ZMAT4: variants seen among roughly 807,000 people sequenced by gnomAD.
ZMAT4 encodes the protein zinc finger matrin-type 4.
A neutral mutation model predicts 28.7 loss-of-function variants in ZMAT4; 17 were observed. The ratio of observed to expected loss-of-function variants is 0.59; its 90% CI spans 0.41 to 0.89. The LOEUF is 0.89. Ranked by LOEUF, ZMAT4 falls within the 40% of genes least tolerant of loss-of-function variation. The pLI, the probability that ZMAT4 is intolerant of heterozygous loss-of-function variation, is 0.00. For missense variants in ZMAT4, 240 were observed against 283.8 expected, an observed-to-expected ratio of 0.85 and a Z score of 1.11; for synonymous variants, 117 against 109.2, an observed-to-expected ratio of 1.07 and a Z score of -0.44.
intron 6 of ZMAT4, among the ~76,000 whole-genome samples, chr8:40,578,257 C>G (rs207469084): frequency 6.6e-6 from 1 of 151,976 alleles, no homozygotes; most frequent in Non-Finnish European, 1.5e-5. Flanking sequence ...CAAAAAATGT[C>G]TATGATGGTC....
intron 6 of ZMAT4, among the ~76,000 whole-genome samples, chr8:40,539,386 C>A (rs898717220): frequency 6.6e-6 from 1 of 152,154 alleles, no homozygotes; most frequent in African/African-American, 2.4e-5. Flanking sequence ...TCCCATCCTG[C>A]ATTTTCAGAT....
intron 2 of ZMAT4, among the ~76,000 whole-genome samples, chr8:40,777,259 C>T (rs1290643403): frequency 6.6e-6 from 1 of 151,996 alleles, no homozygotes; most frequent in Non-Finnish European, 1.5e-5. Context: ...TTTTAAAATC[C>T]ACACTATGTT....
In ZMAT4 at chr8:40,614,152, T is replaced by G. The variant is rs577502583; in HGVS notation, c.578-32891A>C. On this transcript the variant is annotated intron_variant, in intron 5 of 6. Transcript: ENST00000297737. ...TGAACCCCCTATGTTTTTTCCTCAC[T>G]TTTGCTGCCCTGGGTTTGCACCTTG... Among the ~76,000 whole-genome samples, 158 of 152,316 alleles carry G rather than the reference T, an allele frequency of 1.0e-3. 1 individual carries two copies. Among genetic ancestry groups the G allele is most frequent in the African/African-American group, 3.6e-3 (151 of 41,570 alleles).
intron 1 of ZMAT4, among the ~76,000 whole-genome samples, chr8:40,880,992 G>A (rs999218870): frequency 1.4e-4 from 21 of 152,240 alleles, no homozygotes; most frequent in African/African-American, 3.9e-4. Flanking sequence ...CGTCTTCCCT[G>A]TAGGTTAAGA....
chr8:40,795,386 C>T (rs1176031184), intron 2 of ZMAT4, among the ~76,000 whole-genome samples: 1 of 152,188 alleles, frequency 6.6e-6, no homozygotes, highest in Non-Finnish European at 1.5e-5. Context: ...AAAAGCTGTA[C>T]TGGATCCTTA....
chr8:40,760,712 C>CTCTCTCTCTT (rs1271489599), intron 3 of ZMAT4, among the ~76,000 whole-genome samples: 3 of 151,084 alleles, frequency 2.0e-5, no homozygotes, highest in Admixed American at 6.6e-5. Context: ...CACAGTCTCT[C>CTCTCTCTCTT]TCTCTCTCTC....
intron 1 of ZMAT4, among the ~76,000 whole-genome samples, chr8:40,856,477 T>C (rs1275407246): frequency 6.6e-6 from 1 of 152,094 alleles, no homozygotes; most frequent in Non-Finnish European, 1.5e-5. Context: ...GGTTAAAGCA[T>C]GGAGGTAAAT....
chr8:40,806,353 T>C (rs1377162637), intron 2 of ZMAT4, among the ~76,000 whole-genome samples: 1 of 152,236 alleles, frequency 6.6e-6, no homozygotes, highest in African/African-American at 2.4e-5. Flanking sequence ...CCATTAGCAA[T>C]GACTTTATTT....
chr8:40,720,480 TAGATCAC>T (rs889809974), intron 3 of ZMAT4, among the ~76,000 whole-genome samples: 1 of 151,358 alleles, frequency 6.6e-6, no homozygotes, highest in Non-Finnish European at 1.5e-5. Context: ...AATGCCCAGC[TAGATCAC>T]AGGCCAGATA....
At chr8:40,845,854 A>G (rs536759992) in intron 1 of ZMAT4, among the ~76,000 whole-genome samples, 1 of 151,654 alleles carries the variant, frequency 6.6e-6, no homozygotes, top group African/African-American at 2.4e-5. Flanking sequence ...CTTAACAATG[A>G]TAGAGCCAAG....
At chr8:40,808,625 A>C in intron 2 of ZMAT4, 1 of 453,584 alleles carries the variant, frequency 2.2e-6, no homozygotes, top group Non-Finnish European at 4.4e-6. Context: ...GGTAGGTGTG[A>C]GCTCCCGTTA....
intron 5 of ZMAT4, among the ~76,000 whole-genome samples, chr8:40,646,183 C>A (rs1441913339): frequency 6.6e-6 from 1 of 151,872 alleles, no homozygotes; most frequent in African/African-American, 2.4e-5. Flanking sequence ...AATGTAACTA[C>A]TAAGATGATT....
At chr8:40,532,286 A>G in intron 6 of ZMAT4, 48 bp from the exon 7 acceptor site, 1 of 1,546,898 alleles carries the variant, frequency 6.5e-7, no homozygotes, top group Non-Finnish European at 8.8e-7. Context: ...ATAATTACAA[A>G]TTCCAACACC....
chr8:40,635,293 G>A lies in ZMAT4; in HGVS notation c.577+39411C>T, dbSNP rs182690997. Among the ~76,000 whole-genome samples the A allele has an allele frequency of 1.4e-3, 208 of 152,252 alleles. 1 individual carries two copies. The highest frequency in any genetic ancestry group is 4.9e-3 in the African/African-American group (204 of 41,522). The stretch of plus-strand genomic sequence containing the variant: ...TTCCGCTAGGGGCCTTAATACGAGT[G>A]GGTAGGATAACTAGGGGAAATTATG... On this transcript the variant is annotated intron_variant, in intron 5 of 6. Coordinates refer to ENST00000297737, the MANE Select transcript of ZMAT4 (RefSeq NM_024645.3).
intron 5 of ZMAT4, among the ~76,000 whole-genome samples, chr8:40,652,803 A>G (rs1434526851): frequency 7.2e-6 from 1 of 139,502 alleles, no homozygotes; most frequent in Non-Finnish European, 1.6e-5. Flanking sequence ...TGAAATTGGA[A>G]ATCATCATTC....
At chr8:40,554,875 C>A (rs1036415415) in intron 6 of ZMAT4, among the ~76,000 whole-genome samples, 2 of 152,106 alleles carry the variant, frequency 1.3e-5, no homozygotes, top group Non-Finnish European at 2.9e-5. Flanking sequence ...ACTATAGTCA[C>A]CTTACTGTTA....
chr8:40,770,744 C>T (rs1409389234), intron 2 of ZMAT4, among the ~76,000 whole-genome samples: 2 of 152,018 alleles, frequency 1.3e-5, no homozygotes, highest in African/African-American at 2.4e-5. Flanking sequence ...GACAGGGTTT[C>T]ACCATGTTGG....
intron 3 of ZMAT4, among the ~76,000 whole-genome samples, chr8:40,723,566 G>A (rs1336477486): frequency 3.8e-3 from 330 of 86,810 alleles, no homozygotes; most frequent in South Asian, 6.2e-3. Flanking sequence ...AAAAAAAAAA[G>A]ATTGGGTATT....
chr8:40,602,238 T>C (rs1805423662), intron 5 of ZMAT4, among the ~76,000 whole-genome samples: 2 of 152,220 alleles, frequency 1.3e-5, no homozygotes, highest in African/African-American at 4.8e-5. Flanking sequence ...TGTATACATA[T>C]ATATCACGTT....
Sources: allele counts gnomAD v4.1 joint callset (sites outside exome capture counted in the v4.1 genomes callset), GRCh38; gene constraint gnomAD v4.1.1; transcripts MANE v1.5; gene names NCBI Gene and HGNC (gene_info 2026-07-23, HGNC 2026-07-21).